Variants in YIPF5 observed in about 807,000 individuals in gnomAD.
The protein encoded by YIPF5 is Yip1 domain family member 5, also known as protein YIPF5.
YIPF5 carries 8 observed loss-of-function variants against 30.4 expected under a neutral mutation model. The ratio of observed to expected loss-of-function variants is 0.26; its 90% confidence interval spans 0.15 to 0.47. The LOEUF is 0.47. YIPF5 is among the 20% of genes least tolerant of loss of function. The pLI is 0.99. For missense variants in YIPF5, 282 were observed against 301.8 expected (o/e 0.93, Z 0.49); for synonymous variants, 104 against 107.9 (o/e 0.96, Z 0.23).
chr5:144,162,133 G>T (rs1308291641), intron 5 of YIPF5, 85 bp downstream of exon 5: 16 of 1,414,876 alleles, frequency 1.1e-5, no homozygotes, highest in Non-Finnish European at 1.5e-5. Context: ...TTGCTGAATC[G>T]GTGATTTATC....
rs1317988095 is a variant in YIPF5, at chr5:144,169,947, G to A, written c.9C>T (p.Gly3=). The A allele has an allele frequency of 1.9e-6, 3 of 1,613,742 alleles. No individual in the cohort carries two copies. Among genetic ancestry groups the A allele is most frequent in the African/African-American group, 2.7e-5 (2 of 74,922 alleles). The change falls in exon 2 of 6, where the codon GGC becomes GGT. Residue 3 remains glycine (G), a synonymous_variant. Coordinates refer to ENST00000274496, the MANE Select transcript of YIPF5 (RefSeq NM_030799.9). ...AGAAATCCGTGTTTAAGTTTTCAAAGCCTGACATTGCAAATAATCTGTAAT... is the reference window on the plus strand; with the variant it reads ...AGAAATCCGTGTTTAAGTTTTCAAAACCTGACATTGCAAATAATCTGTAAT... MS[G]FENLNTDFYQ... is the part of the protein sequence containing the mutation.
intron 4 of YIPF5, among the ~76,000 whole-genome samples, chr5:144,163,338 A>C (rs7444776): frequency 0.45 from 68,698 of 152,046 alleles, 16,419 homozygotes; most frequent in African/African-American, 0.61. Context: ...TTGATGAATT[A>C]ATTCATGTAG....
At chr5:144,169,760 A>G (rs550073549) in intron 2 of YIPF5, 86 bp downstream of exon 2, 16 of 1,090,590 alleles carry the variant, frequency 1.5e-5, no homozygotes, top group Non-Finnish European at 2.1e-5. Context: ...ACATGTTCAC[A>G]TATTGTTTTA....
chr5:144,160,876 T>C (rs1289745539), intron 5 of YIPF5, among the ~76,000 whole-genome samples: 1 of 152,224 alleles, frequency 6.6e-6, no homozygotes, highest in African/African-American at 2.4e-5. Context: ...GGGGCTGTCC[T>C]GTGCACTGTC....
rs369319278 is a variant in YIPF5 at position 144,158,652 on chromosome 5, T to C, written c.*1745A>G. On this transcript the variant is annotated 3_prime_UTR_variant, in exon 6 of 6. Transcript: ENST00000274496. ...CAAAAATACTATCCAAGAATTACAA[T>C]AAAAAATTTGGTTAAGTTGGAAAGC... 7 of 1,030,656 alleles carry C rather than the reference T, an allele frequency of 6.8e-6. No individual in the cohort carries two copies. Among genetic ancestry groups the C allele is most frequent in the East Asian group, 2.2e-4 (2 of 9,180 alleles). The allele number at this position is 1,030,656 out of a possible 1,614,324, so 63.8% of individuals were successfully genotyped here. A position where few individuals can be genotyped will look rare whatever the true frequency, so the allele number is the denominator to read the frequency against.
Position 144,160,290 on chromosome 5 carries a change from G to A in YIPF5, c.*107C>T. The A allele has an allele frequency of 2.7e-6, 4 of 1,508,406 alleles. No homozygotes were observed. Among genetic ancestry groups the A allele is most frequent in the Non-Finnish European group, 3.5e-6 (4 of 1,129,586 alleles). 93.4% of individuals were successfully genotyped at this position (1,508,406 alleles called of 1,614,324 possible). A position where few individuals can be genotyped will look rare whatever the true frequency, so the allele number is the denominator to read the frequency against. On this transcript the variant is annotated 3_prime_UTR_variant, in exon 6 of 6. Coordinates refer to ENST00000274496, the MANE Select transcript of YIPF5 (RefSeq NM_030799.9). Reference sequence around the variant, plus strand: ...ACTTTCATTGCTCCAACAGTCAAATGTAAATCTGCATGAGAGTTGCGCTGC... The same window carrying A: ...ACTTTCATTGCTCCAACAGTCAAATATAAATCTGCATGAGAGTTGCGCTGC...
intron 2 of YIPF5, 138 bp from the exon 3 acceptor site, chr5:144,165,742 T>G: frequency 1.4e-6 from 1 of 730,106 alleles, no homozygotes; most frequent in South Asian, 2.5e-5. Context: ...TTGCCAATTT[T>G]TATAAATCAT....
intron 4 of YIPF5, among the ~76,000 whole-genome samples, chr5:144,163,569 C>G (rs752721305): frequency 2.0e-5 from 3 of 152,168 alleles, no homozygotes; most frequent in Non-Finnish European, 4.4e-5. Context: ...CCGTATATTA[C>G]ATTAGTTATC....
intron 2 of YIPF5, among the ~76,000 whole-genome samples, chr5:144,166,750 TA>T (rs1424283780): frequency 1.3e-5 from 2 of 152,174 alleles, no homozygotes; most frequent in Non-Finnish European, 2.9e-5. Context: ...CAGTAAACAC[TA>T]AATTTCTTCA....
chr5:144,165,583 A>G lies in YIPF5; in HGVS notation c.132T>C (p.Tyr44=). 1 of 1,614,170 alleles carries G rather than the reference A, an allele frequency of 6.2e-7. No homozygotes were observed. The highest frequency in any genetic ancestry group is 1.1e-5 in the South Asian group (1 of 91,086). ...PYSKQYAGYD[Y]SQQGRFVPPD... is the part of the protein sequence containing the mutation. Reference sequence around the variant, plus strand: ...GAGGGACAAATCTGCCTTGCTGCGAATAGTCATAGCCAGCATACTGTCTAT... The same window carrying G: ...GAGGGACAAATCTGCCTTGCTGCGAGTAGTCATAGCCAGCATACTGTCTAT... Residue 44 remains tyrosine (Y), a synonymous_variant, in exon 3 of 6, where the codon TAT becomes TAC. Transcript: ENST00000274496.
chr5:144,160,587 G>A (rs752046721), intron 5 of YIPF5, 28 bp from the exon 6 acceptor site: 11 of 1,566,898 alleles, frequency 7.0e-6, no homozygotes, highest in African/African-American at 5.5e-5. Flanking sequence ...AAAGGGGGGA[G>A]AAGAAAAAAA....
At position 144,160,572 on chromosome 5, in the gene YIPF5, A is replaced by G; in HGVS notation, c.612-13T>C. 6.2e-7 allele frequency: 1 copy of G among 1,602,032 alleles called. No homozygotes were observed. Among genetic ancestry groups the G allele is most frequent in the Non-Finnish European group, 8.5e-7 (1 of 1,174,172 alleles). On this transcript the variant is annotated splice_polypyrimidine_tract_variant and intron_variant, in intron 5 of 5. Transcript: ENST00000274496. ...TCCTACCATTCCTCTGTAAACAACA[A>G]GGAAAAAGGGGGGAGAAGAAAAAAA...
chr5:144,165,501 C>A lies in YIPF5; in HGVS notation c.214G>T (p.Ala72Ser), dbSNP rs566306592. 3.7e-6 allele frequency: 6 copies of A among 1,614,150 alleles called. No homozygotes were observed. In the East Asian group the frequency reaches 1.3e-4, roughly 36 times the overall value. The change falls in exon 3 of 6, where the codon GCA (alanine) becomes TCA (serine). Residue 72 changes from alanine to serine, a missense_variant. Physicochemically the swap from Ala to Ser is moderately conservative, Grantham distance 99 (BLOSUM62 1). Coordinates refer to ENST00000274496, the MANE Select transcript of YIPF5 (RefSeq NM_030799.9). ...YTGQIYQPTQ[A>S]YTPASPQPFY... Reference sequence around the variant, plus strand: ...GGCTGAGGTGAAGCTGGAGTATATGCCTGAGTTGGCTGGTAAATCTGCCCG... The same window carrying A: ...GGCTGAGGTGAAGCTGGAGTATATGACTGAGTTGGCTGGTAAATCTGCCCG...
chr5:144,164,555 T>C (rs945826445), intron 3 of YIPF5, among the ~76,000 whole-genome samples: 5 of 151,022 alleles, frequency 3.3e-5, no homozygotes, highest in Non-Finnish European at 1.5e-5. Context: ...CAGAGCTAAT[T>C]TTTTTCTTTT....
chr5:144,160,495 T>C lies in YIPF5; in HGVS notation c.676A>G (p.Ile226Val). The C allele has an allele frequency of 1.9e-6, 3 of 1,614,124 alleles. No individual in the cohort carries two copies. Among genetic ancestry groups the C allele is most frequent in the African/African-American group, 1.3e-5 (1 of 75,058 alleles). Reference protein sequence around the residue: ...IGWCSFSASKIFISALAMEGQ... With the variant: ...IGWCSFSASKVFISALAMEGQ... ...TCCATGGCTAATGCAGAAATAAATA[T>C]TTTGGAAGCAGAAAAACTACACCAT... Residue 226 changes from isoleucine (I) to valine (V), a missense_variant, in exon 6 of 6, where the codon ATA (isoleucine) becomes GTA (valine). Coordinates refer to ENST00000274496, the MANE Select transcript of YIPF5 (RefSeq NM_030799.9).
chr5:144,162,080 C>A (rs181308259), intron 5 of YIPF5, 138 bp downstream of exon 5: 7 of 862,064 alleles, frequency 8.1e-6, no homozygotes, highest in Non-Finnish European at 1.3e-5. Flanking sequence ...CATCCGAAAC[C>A]ATTTGGCACT....
At chr5:144,163,346 T>C (rs1423416482) in intron 4 of YIPF5, among the ~76,000 whole-genome samples, 1 of 152,180 alleles carries the variant, frequency 6.6e-6, no homozygotes, top group Non-Finnish European at 1.5e-5. Context: ...TTAATTCATG[T>C]AGTAATAAAA....
intron 3 of YIPF5, among the ~76,000 whole-genome samples, chr5:144,164,952 A>C (rs1213060060): frequency 1.3e-5 from 2 of 152,172 alleles, no homozygotes; most frequent in African/African-American, 2.4e-5. Context: ...CTCTATGCAT[A>C]TGTGTGCATT....
intron 4 of YIPF5, among the ~76,000 whole-genome samples, chr5:144,163,520 C>T (rs927090198): frequency 1.3e-5 from 2 of 152,136 alleles, no homozygotes; most frequent in Non-Finnish European, 2.9e-5. Flanking sequence ...CAGGAGCACT[C>T]AGTTCAAGCC....
Sources: gnomAD v4.1 joint callset for allele counts (sites outside exome capture counted in the v4.1 genomes callset) on GRCh38, gnomAD v4.1.1 for gene constraint, MANE v1.5 for transcripts, NCBI Gene and HGNC (gene_info 2026-07-23, HGNC 2026-07-21) for gene names.